The following TEX14 variants were observed in gnomAD, a reference collection of about 807,000 sequenced individuals.
TEX14 encodes the protein testis expressed 14, intercellular bridge forming factor.
TEX14 carries 168 observed loss-of-function variants against 178.6 expected under a neutral mutation model. The observed-to-expected ratio is 0.94, with a 90% CI of 0.83 to 1.07. The LOEUF (loss-of-function observed/expected upper bound fraction) is 1.07, where lower values mean the gene tolerates loss of function less well. Among genes scored for constraint, TEX14 ranks in the 50% least tolerant of loss-of-function variants. The probability of loss-of-function intolerance (pLI) is 0.00; values close to 1 mark genes in which losing one functional copy is unlikely to be tolerated. For missense variants in TEX14, 1,730 were observed against 1,753.6 expected, an observed-to-expected ratio of 0.99 and a Z score of 0.24; for synonymous variants, 626 against 634.1, an observed-to-expected ratio of 0.99 and a Z score of 0.19.
chr17:58,647,942 C>T (rs2046750958), intron 2 of TEX14: 1 of 152,298 alleles, frequency 6.6e-6, no homozygotes, highest in African/African-American at 2.4e-5. Flanking sequence ...AAGTGATCCA[C>T]CCACCTAGGC....
intron 31 of TEX14, 136 bp from the exon 32 acceptor site, chr17:58,557,183 G>T (rs952820033): frequency 2.8e-6 from 2 of 715,126 alleles, no homozygotes; most frequent in Admixed American, 4.3e-5. Context: ...AATCAAGGGC[G>T]ATTATAACCA....
intron 1 of TEX14, among the ~76,000 whole-genome samples, chr17:58,664,905 C>T (rs2047180252): frequency 6.6e-6 from 1 of 152,168 alleles, no homozygotes; most frequent in Non-Finnish European, 1.5e-5. Flanking sequence ...GGTTCAGTGG[C>T]ACTGAGTGGA....
At chr17:58,560,475 G>A (rs1036697769) in intron 29 of TEX14, among the ~76,000 whole-genome samples, 6 of 152,192 alleles carry the variant, frequency 3.9e-5, no homozygotes, top group Non-Finnish European at 7.3e-5. Flanking sequence ...GTAAAGGCAG[G>A]CAGCTATTTC....
chr17:58,602,206 C>A (rs1244546951), intron 12 of TEX14, among the ~76,000 whole-genome samples, 194 bp downstream of exon 12: 1 of 152,216 alleles, frequency 6.6e-6, no homozygotes, highest in Non-Finnish European at 1.5e-5. Flanking sequence ...ACCTCCCTAG[C>A]TCCCCTCCTC....
intron 1 of TEX14, among the ~76,000 whole-genome samples, chr17:58,656,444 CA>C (rs952292142): frequency 6.7e-6 from 1 of 148,424 alleles, no homozygotes; most frequent in Non-Finnish European, 1.5e-5. Context: ...GACTCTGTCT[CA>C]AAAAAACAAA....
At chr17:58,688,938 TA>T (rs763178045) in intron 1 of TEX14, among the ~76,000 whole-genome samples, 11 of 152,146 alleles carry the variant, frequency 7.2e-5, no homozygotes, top group Non-Finnish European at 1.0e-4. Context: ...TCTATACATA[TA>T]TTTTTTTTTG....
At chr17:58,652,068 C>A (rs912916710) in intron 1 of TEX14, 66 bp from the exon 2 acceptor site, 1 of 1,344,394 alleles carries the variant, frequency 7.4e-7, no homozygotes, top group African/African-American at 1.5e-5. Flanking sequence ...CAACTTAATT[C>A]TTTTACATTT....
intron 3 of TEX14, among the ~76,000 whole-genome samples, chr17:58,623,778 GAGA>G (rs1165387030): frequency 6.6e-5 from 9 of 136,474 alleles, no homozygotes; most frequent in Admixed American, 7.8e-5. Context: ...GGAGGAGGAG[GAGA>G]AGAAGGAGAA....
chr17:58,574,809 A>C (rs1814624794), intron 21 of TEX14, among the ~76,000 whole-genome samples: 1 of 151,902 alleles, frequency 6.6e-6, no homozygotes, highest in African/African-American at 2.4e-5. Flanking sequence ...GTCAGCTCTG[A>C]AATCAGTTAA....
chr17:58,573,362 C>T, intron 22 of TEX14, 54 bp from the exon 23 acceptor site: 1 of 1,562,086 alleles, frequency 6.4e-7, no homozygotes, highest in Non-Finnish European at 8.8e-7. Flanking sequence ...AAAAATCAAA[C>T]AATATATTCC....
At chr17:58,690,756 G>C (rs1567779378) in intron 1 of TEX14, among the ~76,000 whole-genome samples, 1 of 152,130 alleles carries the variant, frequency 6.6e-6, no homozygotes, top group African/African-American at 2.4e-5. Context: ...CTACCAAATG[G>C]GGTATAAATG....
intron 12 of TEX14, among the ~76,000 whole-genome samples, 173 bp downstream of exon 12, chr17:58,602,227 T>C (rs1460657594): frequency 6.6e-6 from 1 of 152,240 alleles, no homozygotes; most frequent in East Asian, 1.9e-4. Context: ...AATTCCATGC[T>C]GCTTTCACCA....
intron 2 of TEX14, chr17:58,631,632 A>C (rs1301050099): frequency 1.3e-5 from 2 of 151,864 alleles, no homozygotes; most frequent in Non-Finnish European, 1.5e-5. Context: ...AAAAAAAAAA[A>C]AACCCAGAAC....
intron 1 of TEX14, among the ~76,000 whole-genome samples, chr17:58,677,269 G>A (rs997605757): frequency 6.6e-6 from 1 of 152,148 alleles, no homozygotes; most frequent in Non-Finnish European, 1.5e-5. Flanking sequence ...TGGGAGACAA[G>A]AGCAAGACCC....
At chr17:58,616,433 T>C in intron 6 of TEX14, 128 bp from the exon 7 acceptor site, 1 of 1,121,464 alleles carries the variant, frequency 8.9e-7, no homozygotes, top group Non-Finnish European at 1.2e-6. Flanking sequence ...CCCTATGCAC[T>C]GGGCCTTTTT....
intron 2 of TEX14, among the ~76,000 whole-genome samples, chr17:58,635,758 CAG>C (rs1364918169): frequency 1.3e-5 from 2 of 151,320 alleles, no homozygotes; most frequent in African/African-American, 4.9e-5. Context: ...TTTTTTGAGA[CAG>C]AGTCTCTGTC....
chr17:58,678,952 G>A lies in TEX14; in HGVS notation c.-2+12987C>T, dbSNP rs574210534. ...GTAAATCACCTGAGGTTAGGAGTGC[G>A]AGACCAGCCTGGCCAACATGGTGAA... On this transcript the variant is annotated intron_variant, in intron 1 of 31. Transcript: ENST00000349033. Among the ~76,000 whole-genome samples, 102 of 151,908 alleles carry A rather than the reference G, an allele frequency of 6.7e-4. 2 individuals carry two copies. Among genetic ancestry groups the A allele is most frequent in the Middle Eastern group, 6.8e-3 (2 of 294 alleles).
chr17:58,566,697 G>A (rs1056674390), intron 26 of TEX14, among the ~76,000 whole-genome samples: 1 of 151,674 alleles, frequency 6.6e-6, no homozygotes, highest in African/African-American at 2.4e-5. Context: ...TACTCAGGAG[G>A]CTGAGGCAGG....
chr17:58,640,942 C>A (rs1254978398), intron 2 of TEX14, among the ~76,000 whole-genome samples: 1 of 152,046 alleles, frequency 6.6e-6, no homozygotes, highest in African/African-American at 2.4e-5. Context: ...CTTGTCTCGA[C>A]CTTCTCAGCT....
Sources: allele counts gnomAD v4.1 joint callset (sites outside exome capture counted in the v4.1 genomes callset), GRCh38; gene constraint gnomAD v4.1.1; transcripts MANE v1.5; gene names NCBI Gene and HGNC (gene_info 2026-07-23, HGNC 2026-07-21).